The following CNTNAP2 variants were observed in gnomAD, a reference collection of about 807,000 sequenced individuals.
CNTNAP2 encodes contactin-associated protein-like 2.
A neutral mutation model predicts 155.2 loss-of-function variants in CNTNAP2; 98 were observed. The ratio of observed to expected loss-of-function variants is 0.63; its 90% confidence interval spans 0.54 to 0.75. The LOEUF is 0.75. Ranked by LOEUF, CNTNAP2 falls within the 30% of genes least tolerant of loss-of-function variation. CNTNAP2 has a pLI of 0.00. For missense variants in CNTNAP2, 1,727 were observed against 1,688.1 expected (o/e 1.02, Z -0.40); for synonymous variants, 651 against 631.2 (o/e 1.03, Z -0.47).
intron 5 of CNTNAP2, among the ~76,000 whole-genome samples, chr7:147,114,890 A>G (rs6942597): frequency 0.59 from 90,354 of 151,888 alleles, 26,967 homozygotes; most frequent in South Asian, 0.69. Context: ...TGTTTATGTG[A>G]TTGCTTCATA....
At chr7:146,389,495 T>C (rs1457770203) in intron 1 of CNTNAP2, among the ~76,000 whole-genome samples, 1 of 151,974 alleles carries the variant, frequency 6.6e-6, no homozygotes, top group Non-Finnish European at 1.5e-5. Context: ...GAAATTTTCC[T>C]CAAATTTTGT....
rs116559567 is a variant in CNTNAP2 at position 146,324,645 on chromosome 7, C to T, written c.97+207672C>T. ...TATCATTTTATTCTATTTTTAATTGCTTTGCTTTTTCTAATAAATATATAT... is the reference window on the plus strand; with the variant it reads ...TATCATTTTATTCTATTTTTAATTGTTTTGCTTTTTCTAATAAATATATAT... On this transcript the variant is annotated intron_variant, in intron 1 of 23. Coordinates refer to ENST00000361727, the MANE Select transcript of CNTNAP2 (RefSeq NM_014141.6). Among the ~76,000 whole-genome samples, 1,267 of 152,100 alleles carry T rather than the reference C, an allele frequency of 8.3e-3. 17 individuals are homozygous for T. Among genetic ancestry groups the T allele is most frequent in the African/African-American group, 0.029 (1,221 of 41,482 alleles).
At chr7:147,620,755 G>A (rs936690714) in intron 12 of CNTNAP2, among the ~76,000 whole-genome samples, 1 of 151,976 alleles carries the variant, frequency 6.6e-6, no homozygotes, top group African/African-American at 2.4e-5. Flanking sequence ...CTAGAAAATA[G>A]CCCCCAAAGG....
At chr7:147,075,271 T>G (rs73154343) in intron 4 of CNTNAP2, among the ~76,000 whole-genome samples, 20 of 152,300 alleles carry the variant, frequency 1.3e-4, no homozygotes, top group Non-Finnish European at 2.1e-4. Flanking sequence ...GGATGAGAAG[T>G]ATTAGTATCC....
In CNTNAP2 at chr7:148,095,290, T is replaced by C. The variant is rs568687604; in HGVS notation, c.2384-22828T>C. On this transcript the variant is annotated intron_variant, in intron 15 of 23. Coordinates refer to ENST00000361727, the MANE Select transcript of CNTNAP2 (RefSeq NM_014141.6). ...TCTGTGGGGCTTGCCAAGCTACTCC[T>C]GCTCATGGAAACCTCAGTCAGGAGC... Among the ~76,000 whole-genome samples, 3 of 152,322 alleles carry C rather than the reference T, an allele frequency of 2.0e-5. No individual in the cohort carries two copies. In the East Asian group the frequency reaches 5.8e-4, roughly 29 times the overall value.
At chr7:147,292,325 T>G (rs1204314573) in intron 8 of CNTNAP2, among the ~76,000 whole-genome samples, 7 of 152,204 alleles carry the variant, frequency 4.6e-5, no homozygotes, top group Non-Finnish European at 1.5e-5. Context: ...GGTGCCTTTG[T>G]TAAAAAACAA....
intron 1 of CNTNAP2, among the ~76,000 whole-genome samples, chr7:146,338,893 A>T (rs1395298635): frequency 6.6e-6 from 1 of 152,046 alleles, no homozygotes; most frequent in Non-Finnish European, 1.5e-5. Flanking sequence ...TTTTTAAAAA[A>T]GGTTTCAGGC....
chr7:146,842,171 G>A (rs1302365653), intron 3 of CNTNAP2, among the ~76,000 whole-genome samples: 1 of 152,096 alleles, frequency 6.6e-6, no homozygotes, highest in Non-Finnish European at 1.5e-5. Flanking sequence ...CCAGGCGTGA[G>A]CCACTGCACC....
chr7:147,411,921 A>G (rs939552743), intron 10 of CNTNAP2, among the ~76,000 whole-genome samples: 7 of 152,212 alleles, frequency 4.6e-5, no homozygotes, highest in African/African-American at 1.7e-4. Context: ...AAAAAAGTGC[A>G]TGCTTCCAGA....
chr7:146,814,506 TA>T (rs549553097), intron 2 of CNTNAP2, among the ~76,000 whole-genome samples: 2 of 152,052 alleles, frequency 1.3e-5, no homozygotes, highest in African/African-American at 2.4e-5. Context: ...AGAGAATAGA[TA>T]AAAAAAGAAG....
chr7:147,095,610 T>C (rs970024302), intron 4 of CNTNAP2, among the ~76,000 whole-genome samples: 1 of 152,034 alleles, frequency 6.6e-6, no homozygotes, highest in African/African-American at 2.4e-5. Flanking sequence ...TGTCTTTCAT[T>C]GTTTTTCTTG....
At chr7:146,486,046 C>CTTTTTTTTTTTTTTTTTTTTTTTT (rs71175651) in intron 1 of CNTNAP2, among the ~76,000 whole-genome samples, 1 of 42,606 alleles carries the variant, frequency 2.3e-5, no homozygotes, top group Non-Finnish European at 4.4e-5. Flanking sequence ...CCACAGCAGT[C>CTTTTTTTTTTTTTTTTTTTTTTTT]TTTTTTTTTT....
At chr7:147,277,759 G>C (rs1458992182) in intron 8 of CNTNAP2, among the ~76,000 whole-genome samples, 1 of 148,116 alleles carries the variant, frequency 6.8e-6, no homozygotes, top group African/African-American at 2.5e-5. Context: ...GTTCTTACTA[G>C]ATTAAGTTCA....
At chr7:146,450,926 A>C (rs1408290226) in intron 1 of CNTNAP2, among the ~76,000 whole-genome samples, 1 of 140,776 alleles carries the variant, frequency 7.1e-6, no homozygotes, top group African/African-American at 2.9e-5. Flanking sequence ...TGTTATTTTC[A>C]TAGTAAAAAT....
At chr7:147,000,906 T>G (rs1184587574) in intron 3 of CNTNAP2, among the ~76,000 whole-genome samples, 1 of 152,094 alleles carries the variant, frequency 6.6e-6, no homozygotes, top group Non-Finnish European at 1.5e-5. Context: ...TTGCAGGGCC[T>G]GGGGGTTCCT....
At chr7:147,074,410 C>T (rs2191273) in intron 4 of CNTNAP2, among the ~76,000 whole-genome samples, 81,451 of 151,910 alleles carry the variant, frequency 0.54, 25,390 homozygotes, top group East Asian at 0.74. Flanking sequence ...CCATCTTTTC[C>T]TCCCCATCCT....
chr7:146,554,530 A>AT (rs999348908), intron 1 of CNTNAP2, among the ~76,000 whole-genome samples: 1 of 151,984 alleles, frequency 6.6e-6, no homozygotes, highest in Non-Finnish European at 1.5e-5. Context: ...AGTCCCACAT[A>AT]TTTTTTTCTG....
chr7:147,303,841 C>A (rs942587771), intron 9 of CNTNAP2, among the ~76,000 whole-genome samples: 4 of 152,208 alleles, frequency 2.6e-5, no homozygotes, highest in Non-Finnish European at 1.5e-5. Context: ...GACAGCCTCA[C>A]AAGGAACACT....
chr7:146,815,500 C>CTA (rs980668573), intron 2 of CNTNAP2, among the ~76,000 whole-genome samples: 10 of 152,022 alleles, frequency 6.6e-5, no homozygotes, highest in African/African-American at 1.4e-4. Flanking sequence ...GTGTGTGTGT[C>CTA]TATATATATA....
Sources: allele counts gnomAD v4.1 joint callset (sites outside exome capture counted in the v4.1 genomes callset), GRCh38; gene constraint gnomAD v4.1.1; transcripts MANE v1.5; gene names NCBI Gene and HGNC (gene_info 2026-07-23, HGNC 2026-07-21).